CERK: variants seen among roughly 807,000 people sequenced by gnomAD.
CERK encodes the protein acylsphingosine kinase.
Under a neutral mutation model 63.4 loss-of-function variants are expected in CERK, and 39 were observed. That is an observed-to-expected ratio of 0.61 (90% confidence interval 0.48 to 0.80). The LOEUF is 0.80. CERK is among the 30% of genes least tolerant of loss of function. The pLI is 0.00. For synonymous variants in CERK, 302 were observed against 280.0 expected, an observed-to-expected ratio of 1.08 and a Z score of -0.78; for missense variants, 670 against 714.1, an observed-to-expected ratio of 0.94 and a Z score of 0.70.
At chr22:46,710,562 T>C (rs1481703851) in intron 5 of CERK, among the ~76,000 whole-genome samples, 2 of 152,168 alleles carry the variant, frequency 1.3e-5, no homozygotes, top group Non-Finnish European at 2.9e-5. Context: ...CTTAAAAATG[T>C]AGATGTATGC....
intron 7 of CERK, 33 bp from the exon 8 acceptor site, chr22:46,699,498 C>G (rs369509943): frequency 6.2e-7 from 1 of 1,609,966 alleles, no homozygotes; most frequent in South Asian, 1.1e-5. Context: ...GGGAAGGCAG[C>G]CCCCCTCCAG....
At chr22:46,704,951 T>C (rs2082806029) in intron 6 of CERK, among the ~76,000 whole-genome samples, 1 of 152,104 alleles carries the variant, frequency 6.6e-6, no homozygotes, top group Non-Finnish European at 1.5e-5. Context: ...AAAAGCAGTG[T>C]GGCCTCACAC....
intron 11 of CERK, among the ~76,000 whole-genome samples, chr22:46,691,021 G>T (rs1298955524): frequency 7.0e-6 from 1 of 142,306 alleles, no homozygotes; most frequent in Non-Finnish European, 1.5e-5. Flanking sequence ...ACACATATAT[G>T]TATATATACA....
chr22:46,697,206 G>A (rs2082760772), intron 8 of CERK, among the ~76,000 whole-genome samples: 1 of 152,324 alleles, frequency 6.6e-6, no homozygotes, highest in Non-Finnish European at 1.5e-5. Context: ...GATTTAATTT[G>A]ATACAGATTT....
intron 3 of CERK, among the ~76,000 whole-genome samples, chr22:46,715,535 A>G (rs6008959): frequency 0.14 from 21,212 of 152,152 alleles, 2,033 homozygotes; most frequent in African/African-American, 0.27. Context: ...TAATGAAAAT[A>G]CTAGGTTGGG....
rs1191797745 is a variant in CERK at position 46,721,383 on chromosome 22, C to T, written c.143-368G>A. Among the ~76,000 whole-genome samples the T allele has an allele frequency of 3.9e-5, 6 of 152,216 alleles. No individual in the cohort carries two copies. The East Asian group carries it at 1.2e-3, about 29-fold the overall frequency. On this transcript the variant is annotated intron_variant, in intron 1 of 12. Coordinates refer to ENST00000216264, the MANE Select transcript of CERK (RefSeq NM_022766.6). ...TCTCGGCTCACTGCAAGCTCTGCCT[C>T]CCGGGTTCGCGCCATTCTCCTGCCT... is the stretch of plus-strand genomic sequence containing the variant.
At position 46,691,625 on chromosome 22, in the gene CERK, A is replaced by G. The variant is rs1283835539; in HGVS notation, c.1279T>C (p.Ser427Pro). 6.2e-7 allele frequency: 1 copy of G among 1,613,968 alleles called. No individual in the cohort carries two copies. Among genetic ancestry groups the G allele is most frequent in the East Asian group, 2.2e-5 (1 of 44,876 alleles). ...SSDLILIRKCSRFNFLRFLIR... is the reference protein window; with the variant it reads ...SSDLILIRKCPRFNFLRFLIR... ...AGAAATCTCAGAAAATTGAACCTGG[A>G]GCATTTCCGGATGAGGATGAGGTCA... The change falls in exon 11 of 13, where the codon TCC (serine) becomes CCC (proline). Residue 427 changes from serine to proline, a missense_variant. Physicochemically the swap from Ser to Pro is moderately conservative, Grantham distance 74 (BLOSUM62 -1). Coordinates refer to ENST00000216264, the MANE Select transcript of CERK (RefSeq NM_022766.6).
chr22:46,721,878 C>T (rs1048433941), intron 1 of CERK, among the ~76,000 whole-genome samples: 3 of 152,182 alleles, frequency 2.0e-5, no homozygotes, highest in East Asian at 1.9e-4. Flanking sequence ...CCATTCCACC[C>T]GAGCCACCTG....
At position 46,701,621 on chromosome 22, in the gene CERK, AGAG is replaced by A. The variant is rs760097149; in HGVS notation, c.790+12_790+14del. 5.4e-5 allele frequency: 84 copies of A among 1,552,672 alleles called. No homozygotes were observed. The African/African-American group carries it at 1.1e-3, about 19-fold the overall frequency. The stretch of plus-strand genomic sequence containing the variant: ...CCCGGCTGCCACCGTGCGCATGCGC[AGAG>A]GAGGGGCTCACCAACAACGATATGC... On this transcript the variant is annotated intron_variant, in intron 7 of 12. Transcript: ENST00000216264.
At chr22:46,695,074 T>C (rs2082749354) in intron 9 of CERK, 136 bp downstream of exon 9, 19 of 593,200 alleles carry the variant, frequency 3.2e-5, no homozygotes, top group South Asian at 2.9e-4. Flanking sequence ...ATGGGCATCA[T>C]AGGCATCGTG....
intron 8 of CERK, among the ~76,000 whole-genome samples, chr22:46,698,602 T>G (rs1266205708): frequency 6.6e-6 from 1 of 152,182 alleles, no homozygotes; most frequent in Non-Finnish European, 1.5e-5. Context: ...AAAACTATTG[T>G]TTTACAGGCC....
chr22:46,699,884 T>C (rs1012649289), intron 7 of CERK, among the ~76,000 whole-genome samples: 23 of 152,208 alleles, frequency 1.5e-4, no homozygotes, highest in African/African-American at 5.3e-4. Context: ...AGGTCAGGAA[T>C]TTGAGACCAG....
chr22:46,707,892 G>C lies in CERK; in HGVS notation c.666C>G (p.Pro222=). Residue 222 remains proline, a synonymous_variant, in exon 6 of 13, where the codon CCC becomes CCG. Coordinates refer to ENST00000216264, the MANE Select transcript of CERK (RefSeq NM_022766.6). The part of the protein sequence containing the change: ...QRSAGVDQNH[P]RAVLVPSSLR... Reference sequence around the variant, plus strand: ...GGCTACTGGGGACCAGCACAGCCCGGGGGTGGTTCTGGTCGACCCCGGCGC... The same window carrying C: ...GGCTACTGGGGACCAGCACAGCCCGCGGGTGGTTCTGGTCGACCCCGGCGC... 6.2e-7 allele frequency: 1 copy of C among 1,614,042 alleles called. No homozygotes were observed. The highest frequency in any genetic ancestry group is 8.5e-7 in the Non-Finnish European group (1 of 1,179,960).
intron 1 of CERK, 94 bp from the exon 2 acceptor site, chr22:46,721,109 T>C (rs1425820147): frequency 7.3e-6 from 6 of 818,440 alleles, no homozygotes; most frequent in Non-Finnish European, 1.3e-5. Context: ...TATTCTGCTT[T>C]AATATTCTCA....
At chr22:46,722,021 T>C (rs1208429660) in intron 1 of CERK, among the ~76,000 whole-genome samples, 2 of 152,090 alleles carry the variant, frequency 1.3e-5, no homozygotes, top group Non-Finnish European at 2.9e-5. Flanking sequence ...CAGGAGAGCA[T>C]GGGATTGAAG....
chr22:46,707,120 G>A (rs2082816740), intron 6 of CERK, among the ~76,000 whole-genome samples: 1 of 152,146 alleles, frequency 6.6e-6, no homozygotes, highest in Non-Finnish European at 1.5e-5. Context: ...ATAAAATGGG[G>A]ATGACTGCGG....
rs1402885363 is a variant in CERK at position 46,686,971 on chromosome 22, A to C, written c.*163T>G. 1 of 666,620 alleles carries C rather than the reference A, an allele frequency of 1.5e-6. No homozygotes were observed. Among genetic ancestry groups the C allele is most frequent in the Non-Finnish European group, 2.5e-6 (1 of 398,770 alleles). 41.3% of individuals were successfully genotyped at this position (666,620 alleles called of 1,614,324 possible). On this transcript the variant is annotated 3_prime_UTR_variant, in exon 13 of 13. Coordinates refer to ENST00000216264, the MANE Select transcript of CERK (RefSeq NM_022766.6). The stretch of plus-strand genomic sequence containing the variant: ...GCGTACAGAACTGAAAATGCCAAAT[A>C]TGTACACAAAATTGTTGACAAAAGG...
At chr22:46,704,348 A>C (rs1432889957) in intron 6 of CERK, among the ~76,000 whole-genome samples, 2 of 152,246 alleles carry the variant, frequency 1.3e-5, no homozygotes, top group Non-Finnish European at 2.9e-5. Flanking sequence ...TGGTGACAAA[A>C]GACAGGTTTC....
intron 9 of CERK, 72 bp from the exon 10 acceptor site, chr22:46,693,575 G>C: frequency 2.4e-6 from 3 of 1,228,154 alleles, no homozygotes; most frequent in Non-Finnish European, 3.6e-6. Context: ...GGCACATATA[G>C]ATGTATTTAC....
Sources: gnomAD v4.1 joint callset for allele counts (sites outside exome capture counted in the v4.1 genomes callset) on GRCh38, gnomAD v4.1.1 for gene constraint, MANE v1.5 for transcripts, NCBI Gene and HGNC (gene_info 2026-07-23, HGNC 2026-07-21) for gene names.